WDPCP: variants seen among roughly 807,000 people sequenced by gnomAD.
WDPCP encodes WD repeat-containing and planar cell polarity effector protein fritz homolog.
WDPCP carries 71 observed loss-of-function variants against 93.1 expected under a neutral mutation model. The observed-to-expected ratio is 0.76, with a 90% CI of 0.63 to 0.93. WDPCP has a LOEUF of 0.93. Among genes scored for constraint, WDPCP ranks in the 40% least tolerant of loss-of-function variants. The pLI is 0.00. For missense variants in WDPCP, 844 were observed against 887.4 expected (o/e 0.95, Z 0.62); for synonymous variants, 315 against 315.0 (o/e 1.00, Z 0.00).
chr2:63,374,577 A>G (rs1284928378), intron 12 of WDPCP, among the ~76,000 whole-genome samples: 1 of 152,158 alleles, frequency 6.6e-6, no homozygotes, highest in African/African-American at 2.4e-5. Context: ...CCATGTATAC[A>G]TGGAATTGCT....
At chr2:63,409,955 A>G (rs1166733944) in intron 9 of WDPCP, among the ~76,000 whole-genome samples, 18 of 152,218 alleles carry the variant, frequency 1.2e-4, no homozygotes, top group Non-Finnish European at 1.5e-5. Context: ...TTTGGAAAAC[A>G]AAATTGGGAG....
At chr2:63,665,687 A>T (rs1285137717) in intron 2 of WDPCP, among the ~76,000 whole-genome samples, 1 of 152,206 alleles carries the variant, frequency 6.6e-6, no homozygotes, top group African/African-American at 2.4e-5. Flanking sequence ...TGAATTTGAC[A>T]ACTAGGAGGT....
intron 3 of WDPCP, among the ~76,000 whole-genome samples, chr2:63,616,164 C>A (rs958153672): frequency 1.3e-5 from 2 of 152,122 alleles, no homozygotes; most frequent in Non-Finnish European, 2.9e-5. Context: ...AAGAAACTTA[C>A]AGAGGTGAGA....
chr2:63,720,771 T>C (rs1266229628), intron 2 of WDPCP, among the ~76,000 whole-genome samples: 2 of 152,200 alleles, frequency 1.3e-5, no homozygotes, highest in South Asian at 2.1e-4. Context: ...GTCACTCCCA[T>C]GGCAGTTAAA....
intron 12 of WDPCP, among the ~76,000 whole-genome samples, chr2:63,364,124 T>C (rs1432423894): frequency 1.3e-5 from 2 of 152,214 alleles, no homozygotes; most frequent in Admixed American, 6.5e-5. Flanking sequence ...CATAAGTGGA[T>C]TGCTCAACAC....
At chr2:63,246,331 A>T (rs546829346) in intron 14 of WDPCP, among the ~76,000 whole-genome samples, 1 of 152,262 alleles carries the variant, frequency 6.6e-6, no homozygotes, top group East Asian at 1.9e-4. Flanking sequence ...TGCTCACTGC[A>T]GGGAAGCTGG....
chr2:63,830,363 A>G (rs1671174849), upstream of WDPCP, among the ~76,000 whole-genome samples: 1 of 152,116 alleles, frequency 6.6e-6, no homozygotes, highest in Non-Finnish European at 1.5e-5. Flanking sequence ...TTTTGCTAGA[A>G]CATTTCTTAA....
chr2:63,529,104 G>A (rs1199116960), intron 1 of WDPCP, among the ~76,000 whole-genome samples: 2 of 152,166 alleles, frequency 1.3e-5, no homozygotes, highest in Non-Finnish European at 2.9e-5. Context: ...TCAGCTTAAG[G>A]AGATTTTGGG....
At chr2:63,834,581 T>C in the WDPCP span, among the ~76,000 whole-genome samples, 1 of 152,258 alleles carries the variant, frequency 6.6e-6, no homozygotes, top group Non-Finnish European at 1.5e-5. Flanking sequence ...CTGGCCTGGT[T>C]GCAGTCCAGC....
intron 1 of WDPCP, among the ~76,000 whole-genome samples, chr2:63,544,394 A>C (rs2106322260): frequency 6.6e-6 from 1 of 152,308 alleles, no homozygotes; most frequent in South Asian, 2.1e-4. Context: ...TAAACTATTA[A>C]GTTTGGGATA....
In WDPCP at chr2:63,120,590, G is replaced by A. The variant is rs890358941; in HGVS notation, c.*1416C>T. 1.7e-4 allele frequency among the ~76,000 whole-genome samples: 24 copies of A among 144,202 alleles called. No homozygotes were observed. The highest frequency in any genetic ancestry group is 5.7e-4 in the Admixed American group (8 of 14,068). The allele number at this position is 144,202 out of a possible 152,430, so 94.6% of individuals were successfully genotyped here. On this transcript the variant is annotated 3_prime_UTR_variant, in exon 18 of 18. Coordinates refer to ENST00000272321, the MANE Select transcript of WDPCP (RefSeq NM_015910.7). Reference sequence around the variant, plus strand: ...CACCCAGGCTGGAGCGTAATGGTGCGACCTCAGCTCACTGCAGCCTCCGCC... The same window carrying A: ...CACCCAGGCTGGAGCGTAATGGTGCAACCTCAGCTCACTGCAGCCTCCGCC...
intron 1 of WDPCP, among the ~76,000 whole-genome samples, chr2:63,502,287 T>C (rs1701607529): frequency 6.6e-6 from 1 of 152,246 alleles, no homozygotes; most frequent in South Asian, 2.1e-4. Context: ...GTGACCATAA[T>C]TGACTTATCC....
chr2:63,720,416 T>C lies in WDPCP; in HGVS notation n.309-69578A>G, dbSNP rs371042112. Among the ~76,000 whole-genome samples, 794 of 124,804 alleles carry C rather than the reference T, an allele frequency of 6.4e-3. 4 individuals carry two copies. Among genetic ancestry groups the C allele is most frequent in the African/African-American group, 0.018 (625 of 34,110 alleles). The allele number at this position is 124,804 out of a possible 152,430, so 81.9% of individuals were successfully genotyped here. A position where few individuals can be genotyped will look rare whatever the true frequency, so the allele number is the denominator to read the frequency against. ...CGGGTGACAGAGCAAGACTCTACCTTAAAAAAAAAAAAAAACAAAACAAAA... is the reference window on the plus strand; with the variant it reads ...CGGGTGACAGAGCAAGACTCTACCTCAAAAAAAAAAAAAAACAAAACAAAA... On this transcript the variant is annotated intron_variant and non_coding_transcript_variant, in intron 2 of 4. Transcript: ENST00000467687.
At chr2:63,652,455 G>C (rs187289616) in intron 2 of WDPCP, among the ~76,000 whole-genome samples, 3 of 152,308 alleles carry the variant, frequency 2.0e-5, no homozygotes, top group Admixed American at 2.0e-4. Flanking sequence ...GAGAAGGAAA[G>C]AATTCACTTG....
At chr2:63,778,334 A>G (rs1004870440) in intron 2 of WDPCP, among the ~76,000 whole-genome samples, 1 of 151,982 alleles carries the variant, frequency 6.6e-6, no homozygotes, top group Non-Finnish European at 1.5e-5. Context: ...CAGCCTCCCA[A>G]GTAGCTGGGA....
intron 2 of WDPCP, among the ~76,000 whole-genome samples, chr2:63,794,670 T>C (rs924449756): frequency 1.3e-5 from 2 of 152,214 alleles, no homozygotes; most frequent in Admixed American, 6.5e-5. Flanking sequence ...ATTCTACCTC[T>C]AGACTTCCAG....
intron 2 of WDPCP, among the ~76,000 whole-genome samples, chr2:63,729,853 T>C (rs1669536559): frequency 1.3e-5 from 2 of 152,214 alleles, no homozygotes; most frequent in African/African-American, 4.8e-5. Context: ...AATTAGGTTG[T>C]TTGTTTTTCC....
At chr2:63,772,257 T>G (rs2103949171) in intron 2 of WDPCP, among the ~76,000 whole-genome samples, 1 of 152,194 alleles carries the variant, frequency 6.6e-6, no homozygotes, top group Admixed American at 6.6e-5. Context: ...CTCATTGTGG[T>G]TTTGATTTGC....
At chr2:63,157,386 G>A (rs780476952) in intron 15 of WDPCP, among the ~76,000 whole-genome samples, 16 of 151,744 alleles carry the variant, frequency 1.1e-4, no homozygotes, top group Non-Finnish European at 1.9e-4. Flanking sequence ...CTGTCTTTGG[G>A]TAATAGCCTC....
Sources: allele counts gnomAD v4.1 joint callset (sites outside exome capture counted in the v4.1 genomes callset), GRCh38; gene constraint gnomAD v4.1.1; transcripts MANE v1.5; gene names NCBI Gene and HGNC (gene_info 2026-07-23, HGNC 2026-07-21).